ROBO1: variants seen among roughly 807,000 people sequenced by gnomAD.
ROBO1 encodes roundabout guidance receptor 1.
A neutral mutation model predicts 195.9 loss-of-function variants in ROBO1; 149 were observed. The observed-to-expected ratio is 0.76, with a 90% CI of 0.67 to 0.87. The LOEUF (loss-of-function observed/expected upper bound fraction) is 0.87, where lower values mean the gene tolerates loss of function less well. Among genes scored for constraint, ROBO1 ranks in the 40% least tolerant of loss-of-function variants. The pLI is 0.00. For synonymous variants in ROBO1, 816 were observed against 733.2 expected (o/e 1.11, Z -1.82); for missense variants, 1,933 against 2,068.3 (o/e 0.93, Z 1.27).
chr3:78,931,174 G>A (rs1413331887), intron 4 of ROBO1, among the ~76,000 whole-genome samples: 1 of 147,240 alleles, frequency 6.8e-6, no homozygotes, highest in African/African-American at 2.5e-5. Flanking sequence ...CTATATTTTG[G>A]TATTCTTCAC....
intron 26 of ROBO1, among the ~76,000 whole-genome samples, chr3:78,625,993 C>G (rs934821476): frequency 2.0e-5 from 3 of 151,398 alleles, no homozygotes; most frequent in Non-Finnish European, 4.4e-5. Flanking sequence ...ACATTCCAGA[C>G]AGATAAAGGA....
chr3:79,569,357 C>T (rs1943197142), intron 2 of ROBO1, among the ~76,000 whole-genome samples: 1 of 152,272 alleles, frequency 6.6e-6, no homozygotes, highest in Middle Eastern at 3.4e-3. Context: ...AGAGATTAAA[C>T]TATTAATATT....
chr3:79,526,557 G>A (rs1437805637), intron 2 of ROBO1: 4 of 152,130 alleles, frequency 2.6e-5, no homozygotes, highest in Admixed American at 6.5e-5. Context: ...GAATACATAC[G>A]TCATTTGACT....
At chr3:79,174,534 A>G (rs946167671) in intron 2 of ROBO1, among the ~76,000 whole-genome samples, 3 of 152,144 alleles carry the variant, frequency 2.0e-5, no homozygotes, top group African/African-American at 7.2e-5. Context: ...CGGACACATT[A>G]CCTTTAAAAT....
intron 3 of ROBO1, among the ~76,000 whole-genome samples, chr3:79,061,991 T>C (rs1425472391): frequency 2.0e-5 from 3 of 151,958 alleles, no homozygotes; most frequent in Non-Finnish European, 4.4e-5. Flanking sequence ...AAAGCCAAAA[T>C]AGACAAATGG....
chr3:79,616,721 C>A (rs570957295), intron 1 of ROBO1, among the ~76,000 whole-genome samples: 92 of 151,870 alleles, frequency 6.1e-4, no homozygotes, highest in African/African-American at 2.1e-3. Flanking sequence ...TTATCCACTG[C>A]TGTGGATATG....
rs185041532 is a variant in ROBO1, at chr3:79,457,146, G to A, written c.88+132678C>T. Among the ~76,000 whole-genome samples, 393 of 152,224 alleles carry A rather than the reference G, an allele frequency of 2.6e-3. 2 individuals carry two copies. Among genetic ancestry groups the A allele is most frequent in the African/African-American group, 8.1e-3 (338 of 41,548 alleles). On this transcript the variant is annotated intron_variant, in intron 2 of 30. Coordinates refer to ENST00000464233, the MANE Select transcript of ROBO1 (RefSeq NM_002941.4). Reference sequence around the variant, plus strand: ...GTAGGAAGCAGTTGATTTTACTGATGACATTCAAGGCATACAATCACAGAA... The same window carrying A: ...GTAGGAAGCAGTTGATTTTACTGATAACATTCAAGGCATACAATCACAGAA...
chr3:79,374,534 G>A (rs2036316100), intron 2 of ROBO1, among the ~76,000 whole-genome samples: 1 of 151,920 alleles, frequency 6.6e-6, no homozygotes, highest in Non-Finnish European at 1.5e-5. Context: ...TTTGGAGAGG[G>A]CAATCATTAA....
chr3:78,623,363 C>T (rs1172775819), intron 26 of ROBO1, among the ~76,000 whole-genome samples: 4 of 152,070 alleles, frequency 2.6e-5, no homozygotes, highest in Admixed American at 2.0e-4. Context: ...GATGGGAGAG[C>T]ATGTGCAAAG....
intron 2 of ROBO1, among the ~76,000 whole-genome samples, chr3:79,536,569 G>T (rs1941872341): frequency 6.6e-6 from 1 of 152,054 alleles, no homozygotes; most frequent in Admixed American, 6.6e-5. Flanking sequence ...ATGTTTAGAA[G>T]AATTTTTCAA....
intron 1 of ROBO1, among the ~76,000 whole-genome samples, chr3:79,700,140 T>A (rs1285950178): frequency 6.6e-6 from 1 of 151,878 alleles, no homozygotes. Context: ...TCCAGCTGCA[T>A]CCATGTTGCT....
chr3:78,599,386 C>T (rs927124316), intron 30 of ROBO1, among the ~76,000 whole-genome samples: 1 of 152,132 alleles, frequency 6.6e-6, no homozygotes, highest in African/African-American at 2.4e-5. Context: ...ACCTCAAAAT[C>T]GAAATACATT....
chr3:78,874,457 G>A (rs753147744), intron 4 of ROBO1, among the ~76,000 whole-genome samples: 1 of 151,588 alleles, frequency 6.6e-6, no homozygotes, highest in Non-Finnish European at 1.5e-5. Flanking sequence ...TAATGCAAAT[G>A]CTAATGTATA....
At chr3:78,861,174 C>T (rs1220019473) in intron 4 of ROBO1, among the ~76,000 whole-genome samples, 1 of 152,160 alleles carries the variant, frequency 6.6e-6, no homozygotes, top group Non-Finnish European at 1.5e-5. Context: ...CTTATCTTCT[C>T]ACTCAGAAAA....
At chr3:78,677,512 G>A (rs1175625110) in intron 10 of ROBO1, among the ~76,000 whole-genome samples, 1 of 151,894 alleles carries the variant, frequency 6.6e-6, no homozygotes, top group Non-Finnish European at 1.5e-5. Context: ...AAAAAAGGCA[G>A]GGGTTGCAAT....
At chr3:78,677,089 A>G (rs1351168397) in intron 10 of ROBO1, among the ~76,000 whole-genome samples, 1 of 152,158 alleles carries the variant, frequency 6.6e-6, no homozygotes, top group East Asian at 1.9e-4. Flanking sequence ...TTCATAAGTG[A>G]AGGAGTAATA....
intron 3 of ROBO1, among the ~76,000 whole-genome samples, chr3:79,071,187 A>G (rs1234817437): frequency 6.6e-6 from 1 of 151,722 alleles, no homozygotes; most frequent in African/African-American, 2.4e-5. Flanking sequence ...TTACCCTTTC[A>G]TTTATTTCTG....
At chr3:79,752,943 G>C (rs984610205) in intron 1 of ROBO1, among the ~76,000 whole-genome samples, 3 of 152,094 alleles carry the variant, frequency 2.0e-5, no homozygotes, top group Non-Finnish European at 4.4e-5. Flanking sequence ...AGTAGGGAGT[G>C]GGGAAAATCT....
intron 2 of ROBO1, among the ~76,000 whole-genome samples, chr3:79,284,990 G>T (rs923828908): frequency 6.6e-5 from 10 of 151,748 alleles, no homozygotes; most frequent in African/African-American, 2.4e-4. Context: ...GGTTATTCTG[G>T]GTTTTTAAAA....
Sources: allele counts gnomAD v4.1 joint callset (sites outside exome capture counted in the v4.1 genomes callset), GRCh38; gene constraint gnomAD v4.1.1; transcripts MANE v1.5; gene names NCBI Gene and HGNC (gene_info 2026-07-23, HGNC 2026-07-21).